RELN: variants seen among roughly 807,000 people sequenced by gnomAD.
RELN encodes the protein reelin.
Under a neutral mutation model 427.6 loss-of-function variants are expected in RELN, and 108 were observed. That is an observed-to-expected ratio of 0.25 (90% CI 0.22 to 0.30). The LOEUF is 0.30. RELN is among the 10% of genes least tolerant of loss of function. The probability of loss-of-function intolerance (pLI) is 1.00; values close to 1 mark genes in which losing one functional copy is unlikely to be tolerated. For missense variants in RELN, 3,715 were observed against 4,302.8 expected (o/e 0.86, Z 3.82); for synonymous variants, 1,524 against 1,513.4 (o/e 1.01, Z -0.16).
rs79186435 is a variant in RELN at position 103,626,386 on chromosome 7, T to C, written c.2702+3554A>G. 0.033 allele frequency among the ~76,000 whole-genome samples: 5,028 copies of C among 152,220 alleles called. 160 individuals carry two copies. Among genetic ancestry groups the C allele is most frequent in the East Asian group, 0.14 (746 of 5,178 alleles). ...TTTATTTAGAGACAGAGTCTTGCTCTGTCACCCAGGCTGGAGTGCATTGGC... is the reference window on the plus strand; with the variant it reads ...TTTATTTAGAGACAGAGTCTTGCTCCGTCACCCAGGCTGGAGTGCATTGGC... On this transcript the variant is annotated intron_variant, in intron 20 of 64. Coordinates refer to ENST00000428762, the MANE Select transcript of RELN (RefSeq NM_005045.4). This position sits in a 1 kb window ranked among gnomAD's most constrained non-coding sequence, Gnocchi z 4.4.
intron 1 of RELN, among the ~76,000 whole-genome samples, chr7:103,981,654 C>A: frequency 6.6e-6 from 1 of 152,130 alleles, no homozygotes; most frequent in African/African-American, 2.4e-5. Flanking sequence ...ACAAGAAGTC[C>A]CGTCATTATT....
chr7:103,811,208 C>T (rs917647885), intron 3 of RELN, among the ~76,000 whole-genome samples: 3 of 152,162 alleles, frequency 2.0e-5, no homozygotes, highest in African/African-American at 7.2e-5. Context: ...CTTTCTAAAA[C>T]ATATCCTGCT....
At chr7:103,938,583 C>T (rs1481602801) in intron 1 of RELN, among the ~76,000 whole-genome samples, 2 of 152,104 alleles carry the variant, frequency 1.3e-5, no homozygotes, top group African/African-American at 4.8e-5. Context: ...TAGGGATGTG[C>T]AAATTTCTAA....
chr7:103,683,549 T>C (rs1157705882), intron 10 of RELN, among the ~76,000 whole-genome samples: 2 of 152,198 alleles, frequency 1.3e-5, no homozygotes, highest in South Asian at 2.1e-4. Context: ...TTCTATCACC[T>C]AGTGATGTCA....
chr7:103,871,027 A>G (rs909719945), intron 2 of RELN, among the ~76,000 whole-genome samples: 11 of 152,112 alleles, frequency 7.2e-5, no homozygotes, highest in Non-Finnish European at 1.3e-4. Context: ...AACAGGGGTG[A>G]TCATGAAGCT....
At chr7:103,586,681 G>A (rs1377597973) in intron 28 of RELN, among the ~76,000 whole-genome samples, 2 of 152,178 alleles carry the variant, frequency 1.3e-5, no homozygotes, top group African/African-American at 4.8e-5. Flanking sequence ...AATGACTTCA[G>A]TAAAGTTTAA....
intron 9 of RELN, among the ~76,000 whole-genome samples, chr7:103,699,468 C>A (rs971956698): frequency 6.6e-6 from 1 of 152,066 alleles, no homozygotes; most frequent in African/African-American, 2.4e-5. Context: ...GGGAAATTTG[C>A]ATTGGTTTGG....
intron 2 of RELN, among the ~76,000 whole-genome samples, chr7:103,902,454 T>C (rs10254420): frequency 0.79 from 119,304 of 151,916 alleles, 46,924 homozygotes; most frequent in East Asian, 0.9. Context: ...GGAACTTTTC[T>C]GAAAGAGAAC....
At chr7:103,489,993 G>GA (rs1358799863) in intron 59 of RELN, 94 bp from the exon 60 acceptor site, 5 of 1,445,628 alleles carry the variant, frequency 3.5e-6, no homozygotes, top group Non-Finnish European at 3.8e-6. Context: ...GACTATTTGT[G>GA]AGAAAAGGGC....
At chr7:103,895,765 TA>T (rs1293619083) in intron 2 of RELN, among the ~76,000 whole-genome samples, 2 of 151,938 alleles carry the variant, frequency 1.3e-5, no homozygotes, top group Admixed American at 6.6e-5. Flanking sequence ...GAGCATACGT[TA>T]AAAAAATTGC....
chr7:103,927,335 A>C (rs997335656), intron 1 of RELN, among the ~76,000 whole-genome samples: 4 of 152,214 alleles, frequency 2.6e-5, no homozygotes, highest in Non-Finnish European at 5.9e-5. Context: ...TCCACATTTC[A>C]AAATCCAATT....
Position 103,522,162 on chromosome 7 carries a change from G to A in RELN, c.7528C>T (p.Pro2510Ser), listed in dbSNP as rs1829723422. ...EQWGGLYCDD[P>S]ETSLPTQLKD... ...AGTTGGGTTGGAAGAGAGGTCTCGG[G>A]GTCATCACAGTACAGGCCACCCCAC... Residue 2510 changes from proline to serine, a missense_variant, in exon 48 of 65, where the codon CCC becomes TCC. By Grantham distance (74) the Pro-to-Ser change is moderately conservative (BLOSUM62 -1). Transcript: ENST00000428762. 6.2e-7 allele frequency: 1 copy of A among 1,613,984 alleles called. No homozygotes were observed. Among genetic ancestry groups the A allele is most frequent in the Non-Finnish European group, 8.5e-7 (1 of 1,179,990 alleles).
At position 103,511,121 on chromosome 7, in the gene RELN, C is replaced by T. The variant is rs151008523; in HGVS notation, c.8120-116G>A. ...AAGTAGAAACTGCTCATATTATATA[C>T]ACTCTATAGACAAAACACTAATATA... On this transcript the variant is annotated intron_variant, in intron 50 of 64. Transcript: ENST00000428762. The T allele has an allele frequency of 3.0e-4, 220 of 730,626 alleles. 1 individual carries two copies. The Middle Eastern group carries it at 3.1e-3, about 10-fold the overall frequency. 45.3% of individuals were successfully genotyped at this position (730,626 alleles called of 1,614,324 possible). A position where few individuals can be genotyped will look rare whatever the true frequency, so the allele number is the denominator to read the frequency against.
chr7:103,930,458 C>A (rs531120025), intron 1 of RELN, among the ~76,000 whole-genome samples: 2 of 151,772 alleles, frequency 1.3e-5, no homozygotes, highest in Admixed American at 1.3e-4. Context: ...GACAGTTCAG[C>A]CCCCCGTAAT....
intron 1 of RELN, among the ~76,000 whole-genome samples, chr7:103,958,603 G>A (rs2009804269): frequency 6.6e-6 from 1 of 152,148 alleles, no homozygotes; most frequent in Non-Finnish European, 1.5e-5. Flanking sequence ...GTGTAGGAGT[G>A]TATGGGTGTA....
At chr7:103,801,600 G>C (rs572978444) in intron 3 of RELN, among the ~76,000 whole-genome samples, 1 of 152,130 alleles carries the variant, frequency 6.6e-6, no homozygotes, top group South Asian at 2.1e-4. Context: ...GGCAGGGAGA[G>C]GGATAGCACT....
chr7:103,751,342 G>C (rs1322894610), intron 5 of RELN, among the ~76,000 whole-genome samples: 1 of 152,218 alleles, frequency 6.6e-6, no homozygotes, highest in Admixed American at 6.5e-5. Context: ...ATATCAGGAA[G>C]CATAATTTCA....
intron 8 of RELN, among the ~76,000 whole-genome samples, chr7:103,718,117 T>G (rs1168078609): frequency 6.6e-6 from 1 of 152,142 alleles, no homozygotes; most frequent in Non-Finnish European, 1.5e-5. Context: ...CTAAGAGTAT[T>G]TTTAGCTTTT....
At position 103,553,791 on chromosome 7, in the gene RELN, G is replaced by A. The variant is rs759612378; in HGVS notation, c.5838C>T (p.Ile1946=). The part of the protein sequence containing the change: ...EEIWIVDDFI[I]DGNNVNNPVM... ...CAGGGTTGTTTACATTATTTCCATCGATAATGAAGTCATCAACAATCCAGA... is the reference window on the plus strand; with the variant it reads ...CAGGGTTGTTTACATTATTTCCATCAATAATGAAGTCATCAACAATCCAGA... The change falls in exon 39 of 65, where the codon ATC becomes ATT. Residue 1946 remains isoleucine (I), a synonymous_variant. Coordinates refer to ENST00000428762, the MANE Select transcript of RELN (RefSeq NM_005045.4). 6 of 1,613,872 alleles carry A rather than the reference G, an allele frequency of 3.7e-6. No individual in the cohort carries two copies. The highest frequency in any genetic ancestry group is 1.1e-5 in the South Asian group (1 of 91,070).
Sources: gnomAD v4.1 joint callset for allele counts (sites outside exome capture counted in the v4.1 genomes callset) on GRCh38, gnomAD v4.1.1 for gene constraint, Gnocchi (gnomAD v3.1) non-coding constraint, MANE v1.5 for transcripts, NCBI Gene and HGNC (gene_info 2026-07-23, HGNC 2026-07-21) for gene names.